ELMOD2: variants seen among roughly 807,000 people sequenced by gnomAD.
The protein encoded by ELMOD2 is ELMO domain containing 2.
A neutral mutation model predicts 41.0 loss-of-function variants in ELMOD2; 28 were observed. The ratio of observed to expected loss-of-function variants is 0.68; its 90% CI spans 0.51 to 0.94. ELMOD2 has a LOEUF of 0.94. Among genes scored for constraint, ELMOD2 ranks in the 40% least tolerant of loss-of-function variants. ELMOD2 has a pLI of 0.00. For synonymous variants in ELMOD2, 106 were observed against 107.2 expected (o/e 0.99, Z 0.07); for missense variants, 333 against 343.1 (o/e 0.97, Z 0.23).
At chr4:140,529,319 C>T (rs1734666684) in intron 3 of ELMOD2, among the ~76,000 whole-genome samples, 1 of 152,184 alleles carries the variant, frequency 6.6e-6, no homozygotes, top group Admixed American at 6.5e-5. Context: ...TGACCTTAAA[C>T]AAGTTGGTTT....
intron 3 of ELMOD2, among the ~76,000 whole-genome samples, chr4:140,533,739 A>G (rs901267141): frequency 2.0e-5 from 3 of 152,284 alleles, no homozygotes; most frequent in Middle Eastern, 3.4e-3. Context: ...TATCTAGTAA[A>G]TAACTTTTAT....
At chr4:140,547,578 A>T (rs1304692372) in intron 8 of ELMOD2, among the ~76,000 whole-genome samples, 1 of 152,224 alleles carries the variant, frequency 6.6e-6, no homozygotes, top group Non-Finnish European at 1.5e-5. Context: ...GTTATGTCTC[A>T]ATAACAACTT....
chr4:140,541,893 A>T (rs1490324515), intron 6 of ELMOD2, among the ~76,000 whole-genome samples: 2 of 152,092 alleles, frequency 1.3e-5, no homozygotes, highest in Non-Finnish European at 2.9e-5. Context: ...GTCCTCTAAA[A>T]TGTAAATAAA....
In ELMOD2 at chr4:140,551,574, T is replaced by A. The variant is rs540457163; in HGVS notation, c.*1199T>A. The A allele has an allele frequency of 6.6e-6, 1 of 152,116 alleles. No homozygotes were observed. The highest frequency in any genetic ancestry group is 1.5e-5 in the Non-Finnish European group (1 of 67,962). The allele number at this position is 152,116 out of a possible 1,614,324, so 9.4% of individuals were successfully genotyped here. A position where few individuals can be genotyped will look rare whatever the true frequency, so the allele number is the denominator to read the frequency against. ...TTTCTTCTTGGTGCGTTTTACACATTTGTACTGATAGCAAAACTAAAGTTT... is the reference window on the plus strand; with the variant it reads ...TTTCTTCTTGGTGCGTTTTACACATATGTACTGATAGCAAAACTAAAGTTT... On this transcript the variant is annotated 3_prime_UTR_variant, in exon 9 of 9. Coordinates refer to ENST00000323570, the MANE Select transcript of ELMOD2 (RefSeq NM_153702.4).
intron 8 of ELMOD2, among the ~76,000 whole-genome samples, chr4:140,548,104 G>A (rs1437644683): frequency 6.6e-6 from 1 of 152,108 alleles, no homozygotes; most frequent in African/African-American, 2.4e-5. Context: ...AGTTCCTAGT[G>A]CTTTAACTTG....
At chr4:140,534,829 A>G (rs1240362166) in intron 3 of ELMOD2, among the ~76,000 whole-genome samples, 2 of 152,212 alleles carry the variant, frequency 1.3e-5, no homozygotes, top group Non-Finnish European at 2.9e-5. Context: ...ATGACTGTGA[A>G]AGGAAGTAGG....
At chr4:140,530,938 A>G (rs1055489929) in intron 3 of ELMOD2, among the ~76,000 whole-genome samples, 5 of 152,064 alleles carry the variant, frequency 3.3e-5, no homozygotes, top group Non-Finnish European at 4.4e-5. Context: ...CAAGTTACTT[A>G]TTTTCTCATT....
At chr4:140,540,524 C>G (rs1349497963) in intron 6 of ELMOD2, among the ~76,000 whole-genome samples, 1 of 152,068 alleles carries the variant, frequency 6.6e-6, no homozygotes, top group Non-Finnish European at 1.5e-5. Context: ...GAGGCTGAGG[C>G]CAGAGGATCA....
intron 2 of ELMOD2, chr4:140,526,765 A>G (rs1466547606): frequency 6.6e-6 from 1 of 152,236 alleles, no homozygotes; most frequent in East Asian, 1.9e-4. Context: ...TCAAAAGAAC[A>G]AAGTACCTCT....
At chr4:140,539,614 G>A (rs1192839117) in intron 5 of ELMOD2, among the ~76,000 whole-genome samples, 1 of 152,132 alleles carries the variant, frequency 6.6e-6, no homozygotes, top group African/African-American at 2.4e-5. Flanking sequence ...CCAAAGGGCT[G>A]GGATTACAGG....
chr4:140,543,718 G>A (rs1226229396), intron 8 of ELMOD2, 132 bp downstream of exon 8: 1 of 743,078 alleles, frequency 1.3e-6, no homozygotes, highest in Non-Finnish European at 1.9e-6. Flanking sequence ...ATTACTTAGG[G>A]TCTTTGAAAA....
intron 7 of ELMOD2, among the ~76,000 whole-genome samples, chr4:140,543,148 G>C (rs1488893441): frequency 6.6e-6 from 1 of 151,904 alleles, no homozygotes; most frequent in Non-Finnish European, 1.5e-5. Flanking sequence ...GTGTATTTTA[G>C]AAATCAATGA....
rs1284646554 is a variant in ELMOD2, at chr4:140,535,741, G to A, written c.180G>A (p.Gln60=). ...SLTYSKNKVL[Q]KATHVVQSEV... ...TTCTTTTACATAAATAGGTTTTACA[G>A]AAGGCGACACATGTTGTTCAGAGTG... The change falls in exon 4 of 9, where the codon CAG becomes CAA. Residue 60 remains glutamine, a synonymous_variant. Coordinates refer to ENST00000323570, the MANE Select transcript of ELMOD2 (RefSeq NM_153702.4). 1.2e-6 allele frequency: 2 copies of A among 1,607,966 alleles called. No homozygotes were observed. Among genetic ancestry groups the A allele is most frequent in the Non-Finnish European group, 1.7e-6 (2 of 1,178,428 alleles).
Position 140,535,900 on chromosome 4 carries a change from G to A in ELMOD2, c.269+70G>A, listed in dbSNP as rs1734908722. ...CTGTGAGGTATCAATATCACACACT[G>A]TTGTAACACTTTAGAGCTGAAGGGT... is the stretch of plus-strand genomic sequence containing the variant. On this transcript the variant is annotated intron_variant, in intron 4 of 8. Transcript: ENST00000323570. 2.2e-6 allele frequency: 3 copies of A among 1,360,014 alleles called. No individual in the cohort carries two copies. The South Asian group carries it at 3.9e-5, about 18-fold the overall frequency. The allele number at this position is 1,360,014 out of a possible 1,614,324, so 84.2% of individuals were successfully genotyped here. A position where few individuals can be genotyped will look rare whatever the true frequency, so the allele number is the denominator to read the frequency against.
chr4:140,525,124 A>T, intron 1 of ELMOD2: 1 of 212,312 alleles, frequency 4.7e-6, no homozygotes, highest in Non-Finnish European at 9.3e-6. Context: ...GATATGAAAT[A>T]CAATTATTTA....
chr4:140,525,173 T>G (rs558289380), intron 1 of ELMOD2: 3 of 324,572 alleles, frequency 9.2e-6, no homozygotes, highest in African/African-American at 2.2e-5. Context: ...TTTCAAGCCA[T>G]TGAATAGTTT....
intron 3 of ELMOD2, among the ~76,000 whole-genome samples, chr4:140,528,675 C>A (rs933524227): frequency 2.0e-5 from 3 of 152,088 alleles, no homozygotes; most frequent in Non-Finnish European, 2.9e-5. Context: ...AATAGACCTT[C>A]TTGAGAGTTG....
At chr4:140,524,654 G>A (rs1216061165) in intron 1 of ELMOD2, 2 of 985,384 alleles carry the variant, frequency 2.0e-6, no homozygotes, top group Non-Finnish European at 2.4e-6. Context: ...TCAGGCCCTA[G>A]TCCAGAGGTG....
rs1735463353 is a variant in ELMOD2, at chr4:140,551,182, GTATGTT to G, written c.*810_*815del. ...CTACATATGAAACTTCTCTACCTAT[GTATGTT>G]TACGAAAAGAGATGTATTTGCCAAG... is the stretch of plus-strand genomic sequence containing the variant. On this transcript the variant is annotated 3_prime_UTR_variant, in exon 9 of 9. Transcript: ENST00000323570. 6.6e-6 allele frequency: 1 copy of G among 151,870 alleles called. No homozygotes were observed. Among genetic ancestry groups the G allele is most frequent in the Admixed American group, 6.6e-5 (1 of 15,224 alleles). The allele number at this position is 151,870 out of a possible 1,614,324, so 9.4% of individuals were successfully genotyped here.
Sources: allele counts gnomAD v4.1 joint callset (sites outside exome capture counted in the v4.1 genomes callset), GRCh38; gene constraint gnomAD v4.1.1; transcripts MANE v1.5; gene names NCBI Gene and HGNC (gene_info 2026-07-23, HGNC 2026-07-21).